Variants in SLIT3 observed in about 807,000 individuals in gnomAD.
SLIT3 encodes the protein slit guidance ligand 3.
In SLIT3, 68 loss-of-function variants were observed where a neutral mutation model predicts 184.0. The ratio of observed to expected loss-of-function variants is 0.37; its 90% CI spans 0.30 to 0.45. SLIT3 has a LOEUF of 0.45. Among genes scored for constraint, SLIT3 ranks in the 20% least tolerant of loss-of-function variants. SLIT3 has a pLI of 1.00. For missense variants in SLIT3, 1,707 were observed against 2,026.0 expected (o/e 0.84, Z 3.02); for synonymous variants, 831 against 828.6 (o/e 1.00, Z -0.05).
intron 1 of SLIT3, among the ~76,000 whole-genome samples, chr5:169,267,146 T>G (rs1407425539): frequency 6.6e-6 from 1 of 152,086 alleles, no homozygotes; most frequent in Non-Finnish European, 1.5e-5. Flanking sequence ...AGTCCCATTT[T>G]ATGATTGAAC....
intron 5 of SLIT3, among the ~76,000 whole-genome samples, chr5:168,866,052 T>C (rs1284244931): frequency 6.6e-6 from 1 of 152,208 alleles, no homozygotes; most frequent in Non-Finnish European, 1.5e-5. Context: ...ACTCTTTGCA[T>C]CTCTTTTTCA....
rs994510290 is a variant in SLIT3, at chr5:168,799,323, G to A, written c.936-3745C>T. ...GTGTCTGAAGCCAACAGCTGATTTA[G>A]GTCTCTCTTAACTGGCACATGTGTC... On this transcript the variant is annotated intron_variant, in intron 9 of 35. Transcript: ENST00000519560. Among the ~76,000 whole-genome samples the A allele has an allele frequency of 3.9e-5, 6 of 152,324 alleles. No individual in the cohort carries two copies. The South Asian group carries it at 1.2e-3, about 32-fold the overall frequency.
intron 25 of SLIT3, 143 bp from the exon 26 acceptor site, chr5:168,708,243 G>T: frequency 9.3e-7 from 1 of 1,070,698 alleles, no homozygotes; most frequent in Non-Finnish European, 1.4e-6. Context: ...GCTCTCCTCA[G>T]CCAGCACATC....
rs145671500 is a variant in SLIT3, at chr5:168,669,835, C to T, written c.4284G>A (p.Gly1428=). ...HHGQCHISDQ[G]EPYCLCQPGF... ...CGGGCTGGCACAGGCAGTAGGGCTC[C>T]CCTTGGTCTGAGATGTGGCACTGCC... The change falls in exon 35 of 36, where the codon GGG becomes GGA. Residue 1428 remains glycine (G), a synonymous_variant. Coordinates refer to ENST00000519560, the MANE Select transcript of SLIT3 (RefSeq NM_003062.4). The T allele has an allele frequency of 9.4e-5, 152 of 1,614,028 alleles. No individual in the cohort carries two copies. The highest frequency in any genetic ancestry group is 1.2e-4 in the Non-Finnish European group (146 of 1,180,046).
intron 4 of SLIT3, chr5:169,120,278 C>T (rs1453992409): frequency 2.0e-5 from 3 of 152,168 alleles, no homozygotes; most frequent in Non-Finnish European, 4.4e-5. Flanking sequence ...ATAATAGTTG[C>T]TCCAGGAACA....
chr5:168,724,374 G>C, intron 21 of SLIT3, 42 bp downstream of exon 21: 1 of 1,550,984 alleles, frequency 6.4e-7, no homozygotes, highest in Non-Finnish European at 8.9e-7. Context: ...AGCGACCCCA[G>C]CAGGGAAAAA....
intron 1 of SLIT3, among the ~76,000 whole-genome samples, chr5:169,278,707 G>A (rs1216110877): frequency 1.3e-5 from 2 of 152,064 alleles, no homozygotes; most frequent in Non-Finnish European, 2.9e-5. Context: ...TATTTTCCAG[G>A]TACAGAGCCA....
intron 23 of SLIT3, among the ~76,000 whole-genome samples, chr5:168,721,892 G>C (rs1762953276): frequency 2.0e-5 from 3 of 152,156 alleles, no homozygotes; most frequent in African/African-American, 4.8e-5. Flanking sequence ...TCAACAGAAT[G>C]ATCATCGAAA....
At chr5:169,184,507 C>G in intron 4 of SLIT3, among the ~76,000 whole-genome samples, 1 of 152,132 alleles carries the variant, frequency 6.6e-6, no homozygotes, top group East Asian at 1.9e-4. Flanking sequence ...ATGTTTGGTT[C>G]CTTCCTTCAA....
chr5:168,978,923 T>A, intron 4 of SLIT3, among the ~76,000 whole-genome samples: 1 of 14,390 alleles, frequency 6.9e-5, no homozygotes, highest in Non-Finnish European at 1.4e-4. Flanking sequence ...CAGGGGGGTG[T>A]AGGTGGGGGT....
chr5:169,105,022 C>G (rs1760151992), intron 4 of SLIT3, among the ~76,000 whole-genome samples: 1 of 152,176 alleles, frequency 6.6e-6, no homozygotes, highest in African/African-American at 2.4e-5. Flanking sequence ...TTTATAGATG[C>G]TGGCACAGGT....
intron 4 of SLIT3, among the ~76,000 whole-genome samples, chr5:169,096,644 A>C (rs933748140): frequency 2.0e-5 from 3 of 152,222 alleles, no homozygotes; most frequent in African/African-American, 7.2e-5. Flanking sequence ...TCTATGTTTT[A>C]TGGATTAGGG....
intron 8 of SLIT3, among the ~76,000 whole-genome samples, chr5:168,806,930 G>A (rs1756986229): frequency 6.6e-6 from 1 of 152,182 alleles, no homozygotes; most frequent in Non-Finnish European, 1.5e-5. Context: ...TTCCCAGGAT[G>A]CATCCTGGGG....
At chr5:169,066,799 A>G (rs1758362674) in intron 4 of SLIT3, among the ~76,000 whole-genome samples, 1 of 152,220 alleles carries the variant, frequency 6.6e-6, no homozygotes, top group Admixed American at 6.5e-5. Flanking sequence ...TTGTCCAACA[A>G]AAGGCAGAGA....
intron 35 of SLIT3, among the ~76,000 whole-genome samples, chr5:168,668,107 G>A (rs1761114713): frequency 6.6e-6 from 1 of 152,170 alleles, no homozygotes; most frequent in African/African-American, 2.4e-5. Flanking sequence ...GTGGCAGGGA[G>A]CAAGACTTCT....
chr5:169,276,311 CATA>C (rs1766804593), intron 1 of SLIT3, among the ~76,000 whole-genome samples: 2 of 152,270 alleles, frequency 1.3e-5, no homozygotes, highest in South Asian at 4.2e-4. Flanking sequence ...CCTGTAGACC[CATA>C]ATGTCTCTTC....
rs114208734 is a variant in SLIT3, at chr5:168,876,524, C to T, written c.485+6741G>A. On this transcript the variant is annotated intron_variant, in intron 5 of 35. Transcript: ENST00000519560. ...AATCTCTCACGAGCATCAACTCTTT[C>T]ACACACCTCTGTCCCTTTACATATG... is the stretch of plus-strand genomic sequence containing the variant. Among the ~76,000 whole-genome samples, 806 of 152,280 alleles carry T rather than the reference C, an allele frequency of 5.3e-3. 8 individuals are homozygous for T. Among genetic ancestry groups the T allele is most frequent in the African/African-American group, 0.019 (780 of 41,554 alleles).
intron 5 of SLIT3, among the ~76,000 whole-genome samples, chr5:168,853,296 TATTCACA>T (rs1198342931): frequency 1.3e-5 from 2 of 152,154 alleles, no homozygotes; most frequent in African/African-American, 2.4e-5. Context: ...TGTGTGCACA[TATTCACA>T]ATTCCCATAG....
At chr5:169,274,393 G>A (rs759082491) in intron 1 of SLIT3, among the ~76,000 whole-genome samples, 1 of 152,150 alleles carries the variant, frequency 6.6e-6, no homozygotes, top group Non-Finnish European at 1.5e-5. Flanking sequence ...TCGTCAAATC[G>A]AAAGAAGCAT....
Sources: allele counts gnomAD v4.1 joint callset (sites outside exome capture counted in the v4.1 genomes callset), GRCh38; gene constraint gnomAD v4.1.1; transcripts MANE v1.5; gene names NCBI Gene and HGNC (gene_info 2026-07-23, HGNC 2026-07-21).